The following IGSF5 variants were observed in gnomAD, a reference collection of about 807,000 sequenced individuals.
IGSF5 encodes the protein immunoglobulin superfamily member 5.
A neutral mutation model predicts 39.4 loss-of-function variants in IGSF5; 41 were observed. The ratio of observed to expected loss-of-function variants is 1.04; its 90% CI spans 0.81 to 1.35. The LOEUF is 1.35. Among genes scored for constraint, IGSF5 ranks in the 40% most tolerant of loss-of-function variants. The pLI, the probability that IGSF5 is intolerant of heterozygous loss-of-function variation, is 0.00. For missense variants in IGSF5, 487 were observed against 494.6 expected (o/e 0.98, Z 0.15); for synonymous variants, 183 against 175.3 (o/e 1.04, Z -0.34).
chr21:39,792,623 T>C (rs964870739), intron 7 of IGSF5, among the ~76,000 whole-genome samples: 3 of 152,176 alleles, frequency 2.0e-5, no homozygotes, highest in African/African-American at 7.2e-5. Context: ...GGGGGTAACT[T>C]CCTCCCAATT....
Position 39,777,681 on chromosome 21 carries a change from A to T in IGSF5, c.719-1409A>T, listed in dbSNP as rs1010155012. On this transcript the variant is annotated intron_variant, in intron 4 of 8. Coordinates refer to ENST00000380588, the MANE Select transcript of IGSF5 (RefSeq NM_001080444.2). The stretch of plus-strand genomic sequence containing the variant: ...ATTAGGAAAGTAGTTTGACTTCCTT[A>T]TAATCCTACAGTTCTGCTCTGGGCA... 1.3e-5 allele frequency among the ~76,000 whole-genome samples: 2 copies of T among 152,160 alleles called. 1 individual carries two copies. The highest frequency in any genetic ancestry group is 1.3e-4 in the Admixed American group (2 of 15,280).
chr21:39,795,653 T>C (rs1389769270), intron 8 of IGSF5, among the ~76,000 whole-genome samples: 1 of 151,846 alleles, frequency 6.6e-6, no homozygotes, highest in Admixed American at 6.6e-5. Flanking sequence ...TAGTGTTCTT[T>C]TTGAATATAC....
rs575690285 is a variant in IGSF5 at position 39,773,095 on chromosome 21, ATTAG to A, written c.718+1884_718+1887del. ...GACCTATGTACTAAGCCTAGTACCC[ATTAG>A]TTATTTTTCCTGCTTCTCTCCCTCC... On this transcript the variant is annotated intron_variant, in intron 4 of 8. Coordinates refer to ENST00000380588, the MANE Select transcript of IGSF5 (RefSeq NM_001080444.2). Among the ~76,000 whole-genome samples the A allele has an allele frequency of 5.9e-3, 899 of 152,228 alleles. 2 individuals are homozygous for A. The highest frequency in any genetic ancestry group is 0.01 in the Non-Finnish European group (687 of 67,992).
intron 2 of IGSF5, among the ~76,000 whole-genome samples, chr21:39,763,055 C>T (rs1159264739): frequency 1.3e-5 from 2 of 152,050 alleles, no homozygotes; most frequent in Admixed American, 6.6e-5. Context: ...ACAGTTTTCT[C>T]CTATTCTGTA....
At chr21:39,770,424 G>T (rs928498924) in intron 3 of IGSF5, among the ~76,000 whole-genome samples, 1 of 152,070 alleles carries the variant, frequency 6.6e-6, no homozygotes, top group Admixed American at 6.6e-5. Context: ...TATGACCCTA[G>T]AAATAAATAA....
At position 39,768,221 on chromosome 21, in the gene IGSF5, A is replaced by G. The variant is rs534267493; in HGVS notation, c.418+2369A>G. ...CTTTATCCTCATCTCATTGCTCTGA[A>G]TGGCACTTAGTTCCTAGAGGAGCAA... On this transcript the variant is annotated intron_variant, in intron 3 of 8. Coordinates refer to ENST00000380588, the MANE Select transcript of IGSF5 (RefSeq NM_001080444.2). 5.9e-5 allele frequency among the ~76,000 whole-genome samples: 9 copies of G among 152,264 alleles called. No homozygotes were observed. In the East Asian group the frequency reaches 1.7e-3, roughly 29 times the overall value.
At chr21:39,796,530 C>T (rs536327016) in intron 8 of IGSF5, among the ~76,000 whole-genome samples, 17 of 152,316 alleles carry the variant, frequency 1.1e-4, no homozygotes, top group African/African-American at 2.4e-4. Context: ...TTCAGAGTCC[C>T]GTCTCAGTTT....
At chr21:39,773,473 C>CTT (rs2080124625) in intron 4 of IGSF5, among the ~76,000 whole-genome samples, 3 of 58,910 alleles carry the variant, frequency 5.1e-5, no homozygotes, top group African/African-American at 1.9e-4. Flanking sequence ...CCCTTTCTTC[C>CTT]TTTTCTTTTT....
At chr21:39,720,523 A>G in the IGSF5 span, among the ~76,000 whole-genome samples, 3 of 152,188 alleles carry the variant, frequency 2.0e-5, no homozygotes, top group Non-Finnish European at 4.4e-5. Context: ...ACAAATCTCA[A>G]TTGAGAAACA....
chr21:39,742,098 T>C (rs941226055), upstream of IGSF5, among the ~76,000 whole-genome samples: 1 of 151,790 alleles, frequency 6.6e-6, no homozygotes, highest in Non-Finnish European at 1.5e-5. Context: ...ATGGGCATTC[T>C]TTGCTTGTCC....
At chr21:39,748,669 TG>T (rs1277695769) in intron 2 of IGSF5, among the ~76,000 whole-genome samples, 2 of 152,124 alleles carry the variant, frequency 1.3e-5, no homozygotes, top group Non-Finnish European at 2.9e-5. Flanking sequence ...ACCATGACAT[TG>T]GGAGTGAGGG....
At chr21:39,723,227 A>G in the IGSF5 span, among the ~76,000 whole-genome samples, 3 of 152,296 alleles carry the variant, frequency 2.0e-5, no homozygotes, top group East Asian at 5.8e-4. Context: ...TCACATGGCT[A>G]TTGGCAAGCC....
intron 6 of IGSF5, among the ~76,000 whole-genome samples, chr21:39,791,087 C>G (rs531139614): frequency 1.2e-4 from 19 of 152,196 alleles, no homozygotes; most frequent in Non-Finnish European, 2.5e-4. Flanking sequence ...GAGACTGTAT[C>G]TAGTCCTAAA....
chr21:39,728,063 A>G, the IGSF5 span: 7,495 of 152,204 alleles, frequency 0.049, 252 homozygotes, highest in Non-Finnish European at 0.078. Context: ...CCTTCTCAGT[A>G]TGTCTAAGCA....
At chr21:39,726,349 G>A in the IGSF5 span, among the ~76,000 whole-genome samples, 6 of 152,204 alleles carry the variant, frequency 3.9e-5, no homozygotes, top group Admixed American at 2.6e-4. Context: ...AAGAAAGATT[G>A]GAAGATTGGA....
At chr21:39,724,583 G>A in the IGSF5 span, among the ~76,000 whole-genome samples, 3 of 152,198 alleles carry the variant, frequency 2.0e-5, no homozygotes, top group South Asian at 4.1e-4. Flanking sequence ...GATGTGACTT[G>A]CTCTTCCTTG....
intron 2 of IGSF5, among the ~76,000 whole-genome samples, chr21:39,758,373 C>A (rs1263975719): frequency 2.0e-5 from 3 of 152,190 alleles, no homozygotes; most frequent in Non-Finnish European, 4.4e-5. Flanking sequence ...CCATCACTGT[C>A]CTGGGAGTCT....
At chr21:39,719,735 A>G in the IGSF5 span, among the ~76,000 whole-genome samples, 1 of 152,322 alleles carries the variant, frequency 6.6e-6, no homozygotes, top group South Asian at 2.1e-4. Context: ...ATTTTCCTAC[A>G]GGTATTACAT....
At chr21:39,727,078 C>T in the IGSF5 span, among the ~76,000 whole-genome samples, 1 of 152,040 alleles carries the variant, frequency 6.6e-6, no homozygotes, top group Non-Finnish European at 1.5e-5. Flanking sequence ...GATGCTTTGA[C>T]ACCAATTGTC....
Sources: gnomAD v4.1 joint callset for allele counts (sites outside exome capture counted in the v4.1 genomes callset) on GRCh38, gnomAD v4.1.1 for gene constraint, MANE v1.5 for transcripts, NCBI Gene and HGNC (gene_info 2026-07-23, HGNC 2026-07-21) for gene names.